Variants in PRSS12 observed in about 807,000 individuals in gnomAD.
PRSS12 encodes the protein serine protease 12.
A neutral mutation model predicts 104.4 loss-of-function variants in PRSS12; 85 were observed. The ratio of observed to expected loss-of-function variants is 0.81; its 90% CI spans 0.68 to 0.98. The LOEUF (loss-of-function observed/expected upper bound fraction) is 0.98, where lower values mean the gene tolerates loss of function less well. Among genes scored for constraint, PRSS12 ranks in the 50% least tolerant of loss-of-function variants. PRSS12 has a pLI of 0.00. For missense variants in PRSS12, 1,141 were observed against 1,139.2 expected, an observed-to-expected ratio of 1.00 and a Z score of -0.02; for synonymous variants, 454 against 425.2, an observed-to-expected ratio of 1.07 and a Z score of -0.83.
In PRSS12 at chr4:118,282,206, A is replaced by C; in HGVS notation, c.2358T>G (p.Ile786Met). 1 of 1,614,212 alleles carries C rather than the reference A, an allele frequency of 6.2e-7. No homozygotes were observed. The highest frequency in any genetic ancestry group is 8.5e-7 in the Non-Finnish European group (1 of 1,180,040). ...CACAAAACCTTTTAGGAAGTAAGGG[A>C]ATGGCTGCTTGTTGTAGTGTTCTTG... ...AYSRTLQQAA[I>M]PLLPKRFCEE... The change falls in exon 13 of 13, where the codon ATT (isoleucine) becomes ATG (methionine). Residue 786 changes from isoleucine to methionine, a missense_variant. Physicochemically the swap from Ile to Met is conservative, Grantham distance 10. Transcript: ENST00000296498.
At chr4:118,322,503 G>A (rs796430406) in intron 4 of PRSS12, among the ~76,000 whole-genome samples, 3 of 151,116 alleles carry the variant, frequency 2.0e-5, no homozygotes, top group South Asian at 2.1e-4. Flanking sequence ...CTGAGATTGC[G>A]CCACTGCACT....
intron 11 of PRSS12, among the ~76,000 whole-genome samples, chr4:118,284,883 T>C (rs1439509240): frequency 1.3e-5 from 2 of 152,212 alleles, no homozygotes; most frequent in African/African-American, 4.8e-5. Context: ...TAACCAAAAC[T>C]TGGGTCTTTT....
At chr4:118,332,647 A>G (rs139596128) in intron 3 of PRSS12, among the ~76,000 whole-genome samples, 84 of 152,036 alleles carry the variant, frequency 5.5e-4, no homozygotes, top group African/African-American at 2.0e-3. Flanking sequence ...CAATTGTCTC[A>G]CTCCTCTTGG....
At position 118,352,342 on chromosome 4, in the gene PRSS12, A is replaced by C; in HGVS notation, c.379T>G (p.Trp127Gly). 1 of 1,580,918 alleles carries C rather than the reference A, an allele frequency of 6.3e-7. No homozygotes were observed. Among genetic ancestry groups the C allele is most frequent in the Non-Finnish European group, 8.6e-7 (1 of 1,168,544 alleles). The change falls in exon 1 of 13, where the codon TGG becomes GGG. Residue 127 changes from tryptophan (W) to glycine (G), a missense_variant. Trp to Gly is a radical substitution (Grantham distance 184). Coordinates refer to ENST00000296498, the MANE Select transcript of PRSS12 (RefSeq NM_003619.4). Reference protein sequence around the residue: ...PFLERSPPASWAQLRGQRHNF... With the variant: ...PFLERSPPASGAQLRGQRHNF... ...TGGCGCTGTCCTCGCAGCTGAGCCC[A>C]GCTCGCTGGGGGCGACCGCTCCAGG...
chr4:118,332,574 A>G (rs1243151591), intron 3 of PRSS12, among the ~76,000 whole-genome samples: 1 of 152,116 alleles, frequency 6.6e-6, no homozygotes, highest in Non-Finnish European at 1.5e-5. Context: ...ACATTGCCTA[A>G]TTTTGTCTTC....
intron 7 of PRSS12, among the ~76,000 whole-genome samples, chr4:118,310,065 C>T (rs1743667190): frequency 6.6e-6 from 1 of 152,162 alleles, no homozygotes; most frequent in Non-Finnish European, 1.5e-5. Flanking sequence ...TGCTTACTAT[C>T]AGCTGGATAA....
chr4:118,299,497 A>G (rs879773458), intron 8 of PRSS12, among the ~76,000 whole-genome samples: 4 of 151,914 alleles, frequency 2.6e-5, no homozygotes, highest in Non-Finnish European at 5.9e-5. Flanking sequence ...CCTAGCTAAC[A>G]TGGTGAAACC....
rs766050375 is a variant in PRSS12, at chr4:118,282,032, G to A, written c.2532C>T (p.Thr844=). The A allele has an allele frequency of 1.2e-6, 2 of 1,613,596 alleles. No homozygotes were observed. Among genetic ancestry groups the A allele is most frequent in the Admixed American group, 1.7e-5 (1 of 60,000 alleles). The change falls in exon 13 of 13, where the codon ACC becomes ACT. Residue 844 remains threonine (T), a synonymous_variant. Transcript: ENST00000296498. ...TGACTCCACAGCCATACCCCCAGGA[G>A]GTCACCCCATACACCACCCAGCTCT... ...PGESWVVYGV[T]SWGYGCGVKD... is the part of the protein sequence containing the mutation.
At chr4:118,306,105 A>G (rs1743545047) in intron 8 of PRSS12, 1 of 152,144 alleles carries the variant, frequency 6.6e-6, no homozygotes, top group Non-Finnish European at 1.5e-5. Context: ...TGGTAGTTCT[A>G]CTTTTAACTT....
At chr4:118,348,654 C>CTTT (rs35216011) in intron 1 of PRSS12, among the ~76,000 whole-genome samples, 4 of 144,702 alleles carry the variant, frequency 2.8e-5, no homozygotes, top group Non-Finnish European at 3.0e-5. Flanking sequence ...CAGAATGATT[C>CTTT]TTTTTTTTTT....
intron 11 of PRSS12, among the ~76,000 whole-genome samples, chr4:118,289,846 T>G (rs1743091282): frequency 6.6e-6 from 1 of 152,182 alleles, no homozygotes; most frequent in African/African-American, 2.4e-5. Context: ...AATCTTGTAT[T>G]ATAGCCAAAG....
chr4:118,300,973 A>G (rs1743393071), intron 8 of PRSS12, among the ~76,000 whole-genome samples: 1 of 152,090 alleles, frequency 6.6e-6, no homozygotes, highest in Non-Finnish European at 1.5e-5. Context: ...ATCCTTATAC[A>G]TAAATCTTTG....
In PRSS12 at chr4:118,281,933, G is replaced by T; in HGVS notation, c.*3C>A. On this transcript the variant is annotated 3_prime_UTR_variant, in exon 13 of 13. Transcript: ENST00000296498. ...AATGCTGCTTTGAAGTTTCCATGAA[G>T]AATTACAGTTTGGTGACACTTTTTA... is the stretch of plus-strand genomic sequence containing the variant. 1 of 1,193,376 alleles carries T rather than the reference G, an allele frequency of 8.4e-7. No homozygotes were observed. The highest frequency in any genetic ancestry group is 1.3e-6 in the Non-Finnish European group (1 of 795,294). 73.9% of individuals were successfully genotyped at this position (1,193,376 alleles called of 1,614,324 possible).
At position 118,352,320 on chromosome 4, in the gene PRSS12, C is replaced by T. The variant is rs1256927307; in HGVS notation, c.401G>A (p.Arg134His). 3 of 1,593,118 alleles carry T rather than the reference C, an allele frequency of 1.9e-6. No homozygotes were observed. Among genetic ancestry groups the T allele is most frequent in the Non-Finnish European group, 2.6e-6 (3 of 1,173,408 alleles). Residue 134 changes from arginine to histidine, a missense_variant, in exon 1 of 13, where the codon CGC becomes CAC. Physicochemically the swap from Arg to His is conservative, Grantham distance 29. Transcript: ENST00000296498. The part of the protein sequence containing the change: ...PASWAQLRGQ[R>H]HNFCRSPDGA... Reference sequence around the variant, plus strand: ...GTCGGGGCTCCGACAAAAGTTGTGGCGCTGTCCTCGCAGCTGAGCCCAGCT... The same window carrying T: ...GTCGGGGCTCCGACAAAAGTTGTGGTGCTGTCCTCGCAGCTGAGCCCAGCT...
chr4:118,338,411 G>C (rs910839235), intron 1 of PRSS12, 97 bp from the exon 2 acceptor site: 1 of 1,457,060 alleles, frequency 6.9e-7, no homozygotes, highest in African/African-American at 1.4e-5. Context: ...AACTTAAGTA[G>C]TAAGGGATCC....
intron 8 of PRSS12, among the ~76,000 whole-genome samples, chr4:118,299,746 T>TAAAATAAAATAAATAAAATA (rs372943908): frequency 7.3e-5 from 6 of 82,426 alleles, no homozygotes; most frequent in African/African-American, 3.1e-4. Context: ...TAAAATAAAA[T>TAAAATAAAATAAATAAAATA]AAATAAAATA....
intron 1 of PRSS12, among the ~76,000 whole-genome samples, chr4:118,343,330 G>C (rs1724263999): frequency 6.6e-6 from 1 of 152,102 alleles, no homozygotes; most frequent in Non-Finnish European, 1.5e-5. Flanking sequence ...AGGAGTTCAA[G>C]ACTGCAGTGA....
rs1313709818 is a variant in PRSS12 at position 118,298,933 on chromosome 4, G to C, written c.1637C>G (p.Pro546Arg). 6.2e-7 allele frequency: 1 copy of C among 1,614,086 alleles called. No homozygotes were observed. Among genetic ancestry groups the C allele is most frequent in the Admixed American group, 1.7e-5 (1 of 60,026 alleles). ...VICRQLGYKGPARARTMAYFG... is the reference protein window; with the variant it reads ...VICRQLGYKGRARARTMAYFG... ...GTAAGCCATGGTTCTTGCTCTGGCA[G>C]GACCCCTGAAGACAGAACATTCTTA... Residue 546 changes from proline to arginine, a missense_variant, in exon 9 of 13, where the codon CCT (proline) becomes CGT (arginine). Physicochemically the swap from Pro to Arg is moderately radical, Grantham distance 103. Coordinates refer to ENST00000296498, the MANE Select transcript of PRSS12 (RefSeq NM_003619.4).
chr4:118,314,322 A>C (rs1045979582), intron 6 of PRSS12, among the ~76,000 whole-genome samples: 4 of 152,112 alleles, frequency 2.6e-5, no homozygotes, highest in African/African-American at 7.2e-5. Flanking sequence ...TTTTTATGCA[A>C]GTATTTATTA....
Sources: gnomAD v4.1 joint callset for allele counts (sites outside exome capture counted in the v4.1 genomes callset) on GRCh38, gnomAD v4.1.1 for gene constraint, MANE v1.5 for transcripts, NCBI Gene and HGNC (gene_info 2026-07-23, HGNC 2026-07-21) for gene names.